ZNF483: variants seen among roughly 807,000 people sequenced by gnomAD.
ZNF483 encodes zinc finger protein HIT-10.
In ZNF483, 9 loss-of-function variants were observed where a neutral mutation model predicts 28.6. That is an observed-to-expected ratio of 0.32 (90% CI 0.19 to 0.55). The LOEUF is 0.55. Among genes scored for constraint, ZNF483 ranks in the 20% least tolerant of loss-of-function variants. The pLI, the probability that ZNF483 is intolerant of heterozygous loss-of-function variation, is 0.93. For missense variants in ZNF483, 675 were observed against 871.7 expected (o/e 0.77, Z 2.84); for synonymous variants, 322 against 306.2 (o/e 1.05, Z -0.54).
intron 5 of ZNF483, chr9:111,563,261 CTT>C: frequency 6.3e-7 from 1 of 1,591,318 alleles, no homozygotes; most frequent in Non-Finnish European, 8.6e-7. Flanking sequence ...AATTTTAAAA[CTT>C]AATTTAATAT....
At chr9:111,539,761 CAA>C (rs201992061) in intron 5 of ZNF483, 195 of 105,680 alleles carry the variant, frequency 1.8e-3, no homozygotes, top group Middle Eastern at 9.5e-3. Context: ...AACTCCGTCT[CAA>C]AAAAAAAAAA....
intron 5 of ZNF483, chr9:111,539,495 G>C: frequency 6.6e-6 from 3 of 454,412 alleles, no homozygotes; most frequent in Non-Finnish European, 1.3e-5. Context: ...TGGGTGTGGT[G>C]GCTCATGCCT....
chr9:111,569,330 A>G (rs1028049213), intron 5 of ZNF483, among the ~76,000 whole-genome samples: 1 of 152,180 alleles, frequency 6.6e-6, no homozygotes, highest in Admixed American at 6.6e-5. Flanking sequence ...TCTGAGGAGG[A>G]CCAATCAGTG....
Position 111,544,285 on chromosome 9 carries a change from G to T in ZNF483, c.*1115G>T. ...GCAAGTACATTTTTTTGCAATTGGA[G>T]TGTAAACATTCTGTGTGGCAACAGT... On this transcript the variant is annotated 3_prime_UTR_variant, in exon 6 of 6. Transcript: ENST00000309235. 1 of 985,406 alleles carries T rather than the reference G, an allele frequency of 1.0e-6. No individual in the cohort carries two copies. The highest frequency in any genetic ancestry group is 1.2e-6 in the Non-Finnish European group (1 of 829,946). The allele number at this position is 985,406 out of a possible 1,614,324, so 61.0% of individuals were successfully genotyped here.
At chr9:111,573,585 G>C (rs1299328273) in intron 5 of ZNF483, among the ~76,000 whole-genome samples, 2 of 152,002 alleles carry the variant, frequency 1.3e-5, no homozygotes, top group Admixed American at 6.6e-5. Flanking sequence ...CCTTTTTTGG[G>C]GGGGGACCAT....
intron 5 of ZNF483, among the ~76,000 whole-genome samples, chr9:111,534,607 G>C (rs889102909): frequency 2.6e-5 from 4 of 151,650 alleles, no homozygotes; most frequent in African/African-American, 4.8e-5. Context: ...GAAGGAACTA[G>C]AAGAAGCCGG....
intron 5 of ZNF483, chr9:111,564,184 C>A: frequency 9.7e-7 from 1 of 1,030,310 alleles, no homozygotes; most frequent in South Asian, 3.2e-5. Flanking sequence ...CTAATGTATT[C>A]CAGTGATGGC....
In ZNF483 at chr9:111,542,515, A is replaced by T; in HGVS notation, c.1580A>T (p.Asp527Val). 1.9e-6 allele frequency: 3 copies of T among 1,614,150 alleles called. No individual in the cohort carries two copies. Among genetic ancestry groups the T allele is most frequent in the Non-Finnish European group, 2.5e-6 (3 of 1,180,020 alleles). ...GGAGAAAAACCTTATAAATGTAAAG[A>T]CTGTGGGAGACCCTTTAGTGACAGT... ...HTGEKPYKCK[D>V]CGRPFSDSSS... Residue 527 changes from aspartate to valine, a missense_variant, in exon 6 of 6, where the codon GAC (aspartate) becomes GTC (valine). Physicochemically the swap from Asp to Val is radical, Grantham distance 152. Around this residue, in one of 6 missense-constraint regions of ZNF483, gnomAD observed 41 missense variants for 69.0 expected, o/e 0.59. Coordinates refer to ENST00000309235, the MANE Select transcript of ZNF483 (RefSeq NM_133464.5). The surrounding 1 kb of genome is among the most constrained non-coding windows in gnomAD (Gnocchi z 6.2).
chr9:111,561,180 A>G (rs1173767221), intron 5 of ZNF483, among the ~76,000 whole-genome samples: 1 of 97,694 alleles, frequency 1.0e-5, no homozygotes, highest in Non-Finnish European at 2.2e-5. Flanking sequence ...AGAGAGAGAA[A>G]GAGAGAGAGA....
At chr9:111,570,189 TAAC>T (rs1365450870) in intron 5 of ZNF483, 2 of 1,613,912 alleles carry the variant, frequency 1.2e-6, no homozygotes, top group Admixed American at 3.3e-5. Context: ...TCCTGATAGA[TAAC>T]AATCTCTGGG....
In ZNF483 at chr9:111,549,584, C is replaced by T. The variant is rs368701223; in HGVS notation, c.*6414C>T. 1.2e-5 allele frequency: 8 copies of T among 683,658 alleles called. No individual in the cohort carries two copies. In the East Asian group the frequency reaches 1.2e-4, roughly 10 times the overall value. The allele number at this position is 683,658 out of a possible 1,614,324, so 42.3% of individuals were successfully genotyped here. A position where few individuals can be genotyped will look rare whatever the true frequency, so the allele number is the denominator to read the frequency against. On this transcript the variant is annotated 3_prime_UTR_variant, in exon 6 of 6. Transcript: ENST00000309235. ...TCCCTTGTAGATTATCAGAGTGGGT[C>T]GATAATCTACAAGCTTTGCTAAACC... is the stretch of plus-strand genomic sequence containing the variant.
At chr9:111,576,960 GCATGC>G (rs928897932) in exon 6 of ZNF483, 1 of 152,262 alleles carries the variant, frequency 6.6e-6, no homozygotes, top group Non-Finnish European at 1.5e-5. Context: ...GCATGGTGGT[GCATGC>G]CTGTAATCCC....
intron 2 of ZNF483, among the ~76,000 whole-genome samples, chr9:111,530,248 G>C (rs1827287484): frequency 6.6e-6 from 1 of 152,196 alleles, no homozygotes; most frequent in Non-Finnish European, 1.5e-5. Context: ...AGAGTTTCCA[G>C]ATAGCTAACC....
chr9:111,527,340 C>A lies in ZNF483; in HGVS notation c.-56C>A, dbSNP rs1827206165. The A allele has an allele frequency of 1.3e-6, 2 of 1,560,520 alleles. No individual in the cohort carries two copies. Among genetic ancestry groups the A allele is most frequent in the Non-Finnish European group, 1.7e-6 (2 of 1,150,238 alleles). On this transcript the variant is annotated 5_prime_UTR_variant, in exon 2 of 6. In the 5' UTR this introduces an upstream ATG that the reference lacks. Coordinates refer to ENST00000309235, the MANE Select transcript of ZNF483 (RefSeq NM_133464.5). ...GCTGTGTATAGTGCCTGTTGGTGGA[C>A]TGTACTGATACTCAACTAGAGTGTG...
chr9:111,540,792 G>T (rs1827652305), intron 5 of ZNF483, among the ~76,000 whole-genome samples: 1 of 152,198 alleles, frequency 6.6e-6, no homozygotes, highest in African/African-American at 2.4e-5. Context: ...TAAGGATCAA[G>T]AGCACGGGCT....
At position 111,552,217 on chromosome 9, in the gene ZNF483, C is replaced by A. The variant is rs545918308; in HGVS notation, c.*9047C>A. On this transcript the variant is annotated 3_prime_UTR_variant, in exon 6 of 6. Coordinates refer to ENST00000309235, the MANE Select transcript of ZNF483 (RefSeq NM_133464.5). Reference sequence around the variant, plus strand: ...AATTGGATTTTCTAGTACAGGAAATCCTTATAAAATTCTTTTGTAAGTCAT... The same window carrying A: ...AATTGGATTTTCTAGTACAGGAAATACTTATAAAATTCTTTTGTAAGTCAT... Among the ~76,000 whole-genome samples the A allele has an allele frequency of 6.6e-6, 1 of 152,186 alleles. No individual in the cohort carries two copies. Among genetic ancestry groups the A allele is most frequent in the South Asian group, 2.1e-4 (1 of 4,826 alleles).
intron 5 of ZNF483, among the ~76,000 whole-genome samples, chr9:111,538,928 A>G (rs10980931): frequency 0.072 from 10,933 of 151,992 alleles, 604 homozygotes; most frequent in East Asian, 0.26. Flanking sequence ...CCTGGCCAAC[A>G]TGGTAAAACC....
At position 111,548,540 on chromosome 9, in the gene ZNF483, A is replaced by G. The variant is rs1204149234; in HGVS notation, c.*5370A>G. Among the ~76,000 whole-genome samples the G allele has an allele frequency of 1.3e-5, 2 of 152,216 alleles. No individual in the cohort carries two copies. The highest frequency in any genetic ancestry group is 4.8e-5 in the African/African-American group (2 of 41,472). On this transcript the variant is annotated 3_prime_UTR_variant, in exon 6 of 6. Transcript: ENST00000309235. Reference sequence around the variant, plus strand: ...TTTTGGGATTTTTAAATATAAGATTATGGCATCTGCAAATAGATAATTTTT... The same window carrying G: ...TTTTGGGATTTTTAAATATAAGATTGTGGCATCTGCAAATAGATAATTTTT...
At position 111,527,662 on chromosome 9, in the gene ZNF483, A is replaced by T; in HGVS notation, c.267A>T (p.Glu89Asp). The change falls in exon 2 of 6, where the codon GAA (glutamate) becomes GAT (aspartate). Residue 89 changes from glutamate (E) to aspartate (D), a missense_variant. Coordinates refer to ENST00000309235, the MANE Select transcript of ZNF483 (RefSeq NM_133464.5). ...TGAGACCAGACATTCACACGAAAGA[A>T]CAGATTTTAGAGCTTCTGGTGTTTG... Reference protein sequence around the residue: ...QWLRPDIHTKEQILELLVFEQ... With the variant: ...QWLRPDIHTKDQILELLVFEQ... 6.2e-7 allele frequency: 1 copy of T among 1,614,162 alleles called. No individual in the cohort carries two copies. The highest frequency in any genetic ancestry group is 1.1e-5 in the South Asian group (1 of 91,088).
Sources: gnomAD v4.1 joint callset for allele counts (sites outside exome capture counted in the v4.1 genomes callset) on GRCh38, gnomAD v4.1.1 for gene constraint, gnomAD v4.1.1 regional missense constraint, Gnocchi (gnomAD v3.1) non-coding constraint, MANE v1.5 for transcripts, NCBI Gene and HGNC (gene_info 2026-07-23, HGNC 2026-07-21) for gene names.